Variants in ZBTB20 observed in about 807,000 individuals in gnomAD.
The protein encoded by ZBTB20 is zinc finger and BTB domain containing 20.
ZBTB20 carries 9 observed loss-of-function variants against 56.9 expected under a neutral mutation model. The observed-to-expected ratio is 0.16, with a 90% confidence interval of 0.10 to 0.28. ZBTB20 has a LOEUF of 0.28. ZBTB20 is among the 10% of genes least tolerant of loss of function. The probability of loss-of-function intolerance (pLI) is 1.00; values close to 1 mark genes in which losing one functional copy is unlikely to be tolerated. For synonymous variants in ZBTB20, 417 were observed against 420.7 expected, an observed-to-expected ratio of 0.99 and a Z score of 0.11; for missense variants, 655 against 1,003.0, an observed-to-expected ratio of 0.65 and a Z score of 4.69.
chr3:114,518,598 AG>A (rs1411472836), intron 6 of ZBTB20: 2 of 152,218 alleles, frequency 1.3e-5, no homozygotes, highest in African/African-American at 4.8e-5. Context: ...ATGTACTAGA[AG>A]GTAAGCTCCA....
At chr3:114,394,978 T>C (rs1475974071) in intron 7 of ZBTB20, among the ~76,000 whole-genome samples, 7 of 152,222 alleles carry the variant, frequency 4.6e-5, no homozygotes, top group African/African-American at 1.7e-4. Flanking sequence ...ATTGTTATTT[T>C]TAACAATAAT....
At chr3:115,054,318 A>G (rs1261467989) in intron 2 of ZBTB20, among the ~76,000 whole-genome samples, 48 of 152,284 alleles carry the variant, frequency 3.2e-4, no homozygotes, top group Non-Finnish European at 7.4e-5. Flanking sequence ...AATAACCAAT[A>G]GTCATCCAGT....
intron 4 of ZBTB20, among the ~76,000 whole-genome samples, chr3:114,838,547 T>TGG (rs373240278): frequency 2.6e-5 from 4 of 151,430 alleles, no homozygotes; most frequent in Admixed American, 2.6e-4. Context: ...ATGGTGTGAC[T>TGG]GGGGGGGGAA....
At chr3:114,456,197 G>GTA (rs562329000) in intron 7 of ZBTB20, among the ~76,000 whole-genome samples, 1,991 of 149,448 alleles carry the variant, frequency 0.013, 16 homozygotes, top group Middle Eastern at 0.028. Context: ...GTGTGTTTAT[G>GTA]TATATATATA....
At chr3:114,995,146 A>G (rs2078973017) in intron 2 of ZBTB20, among the ~76,000 whole-genome samples, 1 of 151,930 alleles carries the variant, frequency 6.6e-6, no homozygotes, top group Admixed American at 6.6e-5. Context: ...TAACTTCAGA[A>G]GAGTGGTTAC....
chr3:114,653,818 G>T (rs367546824), intron 6 of ZBTB20, among the ~76,000 whole-genome samples: 2 of 151,820 alleles, frequency 1.3e-5, no homozygotes, highest in African/African-American at 2.4e-5. Context: ...GGAATATTTT[G>T]ATTTCTTTGG....
At chr3:114,421,198 T>A (rs548035720) in intron 7 of ZBTB20, among the ~76,000 whole-genome samples, 1 of 152,120 alleles carries the variant, frequency 6.6e-6, no homozygotes, top group Non-Finnish European at 1.5e-5. Flanking sequence ...TCACTATGCA[T>A]GTTCACCAAA....
chr3:114,857,514 G>C (rs2075305357), intron 4 of ZBTB20, among the ~76,000 whole-genome samples: 2 of 152,270 alleles, frequency 1.3e-5, no homozygotes, highest in African/African-American at 2.4e-5. Flanking sequence ...GCGGAGAGAG[G>C]TTAAGGAATT....
chr3:114,483,170 A>G (rs1402145591), intron 7 of ZBTB20, among the ~76,000 whole-genome samples: 1 of 152,116 alleles, frequency 6.6e-6, no homozygotes, highest in Non-Finnish European at 1.5e-5. Flanking sequence ...TTCATATTTA[A>G]CTTTAATTAA....
At chr3:114,395,521 T>A (rs185427608) in intron 7 of ZBTB20, among the ~76,000 whole-genome samples, 1 of 152,156 alleles carries the variant, frequency 6.6e-6, no homozygotes, top group African/African-American at 2.4e-5. Context: ...TAAGGAAGTC[T>A]ATTTGACTTT....
chr3:114,965,460 C>T (rs1395359887), intron 3 of ZBTB20, among the ~76,000 whole-genome samples: 1 of 152,136 alleles, frequency 6.6e-6, no homozygotes, highest in African/African-American at 2.4e-5. Flanking sequence ...ATCCCAGCCT[C>T]TGGTAACCAA....
At chr3:114,870,198 T>C (rs2075939365) in intron 4 of ZBTB20, among the ~76,000 whole-genome samples, 2 of 152,110 alleles carry the variant, frequency 1.3e-5, no homozygotes, top group African/African-American at 4.8e-5. Context: ...TCTTGATTAA[T>C]TGGCTACCTA....
intron 6 of ZBTB20, among the ~76,000 whole-genome samples, chr3:114,506,917 C>A (rs759866976): frequency 2.0e-5 from 3 of 152,178 alleles, no homozygotes; most frequent in African/African-American, 4.8e-5. Context: ...AGTCAGCTAA[C>A]GGTTCACACT....
chr3:114,549,609 A>AT (rs2050305124), intron 6 of ZBTB20, among the ~76,000 whole-genome samples: 1 of 152,204 alleles, frequency 6.6e-6, no homozygotes, highest in Non-Finnish European at 1.5e-5. Flanking sequence ...AGTGCTAATG[A>AT]TGACCAATTT....
At chr3:114,918,857 T>TG (rs2075845431) in intron 3 of ZBTB20, among the ~76,000 whole-genome samples, 1 of 152,204 alleles carries the variant, frequency 6.6e-6, no homozygotes, top group Admixed American at 6.5e-5. Context: ...AGCCCTCCCT[T>TG]GGCCACCCTG....
At chr3:114,751,876 A>C (rs1257755616) in intron 5 of ZBTB20, among the ~76,000 whole-genome samples, 1 of 152,126 alleles carries the variant, frequency 6.6e-6, no homozygotes, top group East Asian at 1.9e-4. Flanking sequence ...GAAAGATAAT[A>C]TCTCTGACCC....
At chr3:114,844,520 C>CATAAAAAAAA (rs2074564889) in intron 4 of ZBTB20, among the ~76,000 whole-genome samples, 3 of 22,804 alleles carry the variant, frequency 1.3e-4, no homozygotes, top group Non-Finnish European at 2.0e-4. Flanking sequence ...GTCCCTGTCT[C>CATAAAAAAAA]AAAAAAAAAA....
At chr3:114,480,408 G>C (rs2041398351) in intron 7 of ZBTB20, among the ~76,000 whole-genome samples, 1 of 152,154 alleles carries the variant, frequency 6.6e-6, no homozygotes, top group African/African-American at 2.4e-5. Context: ...TATGTTTAAA[G>C]ATACTTGCTT....
intron 5 of ZBTB20, among the ~76,000 whole-genome samples, chr3:114,740,922 A>G (rs1445927971): frequency 6.6e-6 from 1 of 152,236 alleles, no homozygotes; most frequent in Non-Finnish European, 1.5e-5. Flanking sequence ...TTTCCCTGCT[A>G]TCAGAAAGAA....
Sources: gnomAD v4.1 joint callset for allele counts (sites outside exome capture counted in the v4.1 genomes callset) on GRCh38, gnomAD v4.1.1 for gene constraint, MANE v1.5 for transcripts, NCBI Gene and HGNC (gene_info 2026-07-23, HGNC 2026-07-21) for gene names.